PSME4: variants seen among roughly 807,000 people sequenced by gnomAD.
PSME4 encodes proteasome activator complex subunit 4.
A neutral mutation model predicts 253.9 loss-of-function variants in PSME4; 89 were observed. The observed-to-expected ratio is 0.35, with a 90% CI of 0.30 to 0.42. The LOEUF is 0.42. PSME4 is among the 10% of genes least tolerant of loss of function. The pLI, the probability that PSME4 is intolerant of heterozygous loss-of-function variation, is 1.00. For synonymous variants in PSME4, 851 were observed against 759.2 expected (o/e 1.12, Z -1.99); for missense variants, 2,014 against 2,195.2 (o/e 0.92, Z 1.65).
intron 32 of PSME4, among the ~76,000 whole-genome samples, chr2:53,896,107 C>T (rs1457091049): frequency 6.6e-6 from 1 of 152,078 alleles, no homozygotes; most frequent in Non-Finnish European, 1.5e-5. Context: ...TGACATTTTA[C>T]CATGCATACT....
In PSME4 at chr2:53,925,900, G is replaced by A. The variant is rs1216099580; in HGVS notation, c.1658+59C>T. On this transcript the variant is annotated intron_variant, in intron 13 of 46. Transcript: ENST00000404125. ...ATGCAGAAATAAACTAAACTTTCTG[G>A]GATAGAAGAGTCATTTTCTAGAATT... The A allele has an allele frequency of 2.0e-6, 3 of 1,507,460 alleles. No homozygotes were observed. The South Asian group carries it at 3.4e-5, about 17-fold the overall frequency. 93.4% of individuals were successfully genotyped at this position (1,507,460 alleles called of 1,614,324 possible). A position where few individuals can be genotyped will look rare whatever the true frequency, so the allele number is the denominator to read the frequency against.
chr2:53,914,129 A>T (rs1191575411), intron 20 of PSME4, among the ~76,000 whole-genome samples: 2 of 152,330 alleles, frequency 1.3e-5, no homozygotes, highest in East Asian at 3.9e-4. Flanking sequence ...AGGGGACACA[A>T]AATAAAGGAA....
In PSME4 at chr2:53,887,970, C is replaced by T. The variant is rs1679717605; in HGVS notation, c.4408G>A (p.Gly1470Ser). 1 of 1,611,800 alleles carries T rather than the reference C, an allele frequency of 6.2e-7. No individual in the cohort carries two copies. The highest frequency in any genetic ancestry group is 8.5e-7 in the Non-Finnish European group (1 of 1,179,140). The change falls in exon 39 of 47, where the codon GGT becomes AGT. Residue 1470 changes from glycine (G) to serine (S), a missense_variant. By Grantham distance (56) the Gly-to-Ser change is moderately conservative. Transcript: ENST00000404125. ...VDACRLYVLQ[G>S]GLAQQEWRVP... Reference sequence around the variant, plus strand: ...CTCCATTCTTGCTGGGCAAGGCCACCTTGTAGTACATAAAGTCGACTAAAA... The same window carrying T: ...CTCCATTCTTGCTGGGCAAGGCCACTTTGTAGTACATAAAGTCGACTAAAA...
chr2:53,880,583 C>T (rs910548037), intron 41 of PSME4, among the ~76,000 whole-genome samples: 6 of 152,092 alleles, frequency 3.9e-5, no homozygotes, highest in Admixed American at 2.0e-4. Flanking sequence ...ACAATTTAGT[C>T]ATAAAAAGAG....
Position 53,887,584 on chromosome 2 carries a change from T to C in PSME4, c.4521-117A>G, listed in dbSNP as rs1056811437. On this transcript the variant is annotated intron_variant, in intron 39 of 46. Transcript: ENST00000404125. ...CCCAAGACAATTCCTGGAGTGGGTC[T>C]TAGATTATGCCTGTGTGTAAAAGAA... 7.0e-6 allele frequency: 7 copies of C among 993,582 alleles called. No homozygotes were observed. In the African/African-American group the frequency reaches 1.2e-4, roughly 16 times the overall value. 61.5% of individuals were successfully genotyped at this position (993,582 alleles called of 1,614,324 possible).
intron 20 of PSME4, among the ~76,000 whole-genome samples, chr2:53,911,582 C>G (rs911150898): frequency 1.3e-5 from 2 of 152,080 alleles, no homozygotes; most frequent in Non-Finnish European, 2.9e-5. Context: ...CAAGAGAGTT[C>G]CCACCCTCCC....
intron 1 of PSME4, 140 bp from the exon 2 acceptor site, chr2:53,949,423 C>CAT (rs1461377811): frequency 2.1e-6 from 1 of 465,600 alleles, no homozygotes; most frequent in African/African-American, 2.0e-5. Context: ...GAAAATGTGG[C>CAT]ATATACAACA....
At position 53,932,000 on chromosome 2, in the gene PSME4, T is replaced by C; in HGVS notation, c.1151A>G (p.Asp384Gly). ...KKPSWLTPVP[D>G]SHKLTDQDVT... ...ATCTTGATCAGTAAGCTTGTGGCTA[T>C]CAGGCACAGGAGTTAACCAAGAGGG... Residue 384 changes from aspartate to glycine, a missense_variant, in exon 10 of 47, where the codon GAT becomes GGT. Around this residue, in one of 4 missense-constraint regions of PSME4, gnomAD observed 615 missense variants for 594.4 expected, o/e 1.03. Coordinates refer to ENST00000404125, the MANE Select transcript of PSME4 (RefSeq NM_014614.3). The C allele has an allele frequency of 6.2e-7, 1 of 1,613,782 alleles. No homozygotes were observed. Among genetic ancestry groups the C allele is most frequent in the Non-Finnish European group, 8.5e-7 (1 of 1,179,658 alleles).
At chr2:53,874,867 C>T (rs999041686) in intron 42 of PSME4, among the ~76,000 whole-genome samples, 1 of 152,170 alleles carries the variant, frequency 6.6e-6, no homozygotes, top group Non-Finnish European at 1.5e-5. Flanking sequence ...ATCGCATGAA[C>T]CTGGGGGGCG....
chr2:53,947,647 A>C (rs1216308488), intron 3 of PSME4, among the ~76,000 whole-genome samples: 3 of 152,056 alleles, frequency 2.0e-5, no homozygotes, highest in Non-Finnish European at 2.9e-5. Context: ...TGGAGCTTGC[A>C]GTGAGCTGAG....
chr2:53,951,257 A>G (rs1294832234), intron 1 of PSME4, among the ~76,000 whole-genome samples: 1 of 152,028 alleles, frequency 6.6e-6, no homozygotes, highest in Non-Finnish European at 1.5e-5. Context: ...TAATTTTTGT[A>G]ATTTTAGTAG....
chr2:53,934,570 TAA>T (rs1669017344), intron 8 of PSME4, 33 bp downstream of exon 8: 1 of 1,583,084 alleles, frequency 6.3e-7, no homozygotes, highest in African/African-American at 1.3e-5. Context: ...AAAATAGGCG[TAA>T]ACTACAGAAA....
intron 26 of PSME4, among the ~76,000 whole-genome samples, chr2:53,904,804 C>T (rs1680573156): frequency 2.0e-5 from 3 of 151,724 alleles, no homozygotes; most frequent in Admixed American, 1.3e-4. Flanking sequence ...GCCTGGCCAA[C>T]ATGGTGAAAC....
Position 53,948,285 on chromosome 2 carries a change from A to G in PSME4, c.500+136T>C, listed in dbSNP as rs1669818801. 4 of 667,214 alleles carry G rather than the reference A, an allele frequency of 6.0e-6. No individual in the cohort carries two copies. In the East Asian group the frequency reaches 1.0e-4, roughly 17 times the overall value. The allele number at this position is 667,214 out of a possible 1,614,324, so 41.3% of individuals were successfully genotyped here. ...ATAGAGGGCAATGAATTGTTTCAGG[A>G]GTCAAATTACACAGAAATAGGCACA... On this transcript the variant is annotated intron_variant, in intron 3 of 46. Coordinates refer to ENST00000404125, the MANE Select transcript of PSME4 (RefSeq NM_014614.3).
At chr2:53,956,654 C>T (rs961822435) in intron 1 of PSME4, among the ~76,000 whole-genome samples, 1 of 151,852 alleles carries the variant, frequency 6.6e-6, no homozygotes, top group East Asian at 1.9e-4. Context: ...CTCACTGCAA[C>T]GTCCGCCTCC....
At chr2:53,937,196 C>T (rs1023106464) in intron 5 of PSME4, among the ~76,000 whole-genome samples, 195 bp downstream of exon 5, 1 of 152,088 alleles carries the variant, frequency 6.6e-6, no homozygotes, top group Non-Finnish European at 1.5e-5. Context: ...AAGCCCTCAT[C>T]TTATTTGGGT....
At chr2:53,901,248 T>C in intron 28 of PSME4, 102 bp downstream of exon 28, 2 of 1,088,872 alleles carry the variant, frequency 1.8e-6, no homozygotes, top group East Asian at 2.4e-5. Flanking sequence ...TGGACTCAAA[T>C]GCCAAGAATA....
At chr2:53,918,761 T>A (rs1386426526) in intron 20 of PSME4, among the ~76,000 whole-genome samples, 1 of 152,226 alleles carries the variant, frequency 6.6e-6, no homozygotes, top group Non-Finnish European at 1.5e-5. Context: ...TGAATAAGAT[T>A]GAAGAAATCT....
chr2:53,959,381 A>T (rs986802457), intron 1 of PSME4, among the ~76,000 whole-genome samples: 10 of 151,832 alleles, frequency 6.6e-5, no homozygotes, highest in African/African-American at 2.2e-4. Context: ...AAGAGGGGGG[A>T]AAAAAAGCTG....
Sources: gnomAD v4.1 joint callset for allele counts (sites outside exome capture counted in the v4.1 genomes callset) on GRCh38, gnomAD v4.1.1 for gene constraint, gnomAD v4.1.1 regional missense constraint, MANE v1.5 for transcripts, NCBI Gene and HGNC (gene_info 2026-07-23, HGNC 2026-07-21) for gene names.